AGTPBP1: variants seen among roughly 807,000 people sequenced by gnomAD.
AGTPBP1 encodes ATP/GTP binding carboxypeptidase 1.
Under a neutral mutation model 143.9 loss-of-function variants are expected in AGTPBP1, and 70 were observed. That is an observed-to-expected ratio of 0.49 (90% CI 0.40 to 0.59). The LOEUF (loss-of-function observed/expected upper bound fraction) is 0.59, where lower values mean the gene tolerates loss of function less well. Ranked by LOEUF, AGTPBP1 falls within the 20% of genes least tolerant of loss-of-function variation. The pLI, the probability that AGTPBP1 is intolerant of heterozygous loss-of-function variation, is 0.00. For synonymous variants in AGTPBP1, 463 were observed against 500.2 expected (o/e 0.93, Z 0.99); for missense variants, 1,229 against 1,464.5 (o/e 0.84, Z 2.62).
intron 25 of AGTPBP1, among the ~76,000 whole-genome samples, chr9:85,569,828 A>G (rs1288644032): frequency 6.6e-6 from 1 of 152,254 alleles, no homozygotes; most frequent in African/African-American, 2.4e-5. Context: ...TACATTTTTC[A>G]TATAGGATGG....
In AGTPBP1 at chr9:85,574,645, T is replaced by C. The variant is rs551859022; in HGVS notation, c.3503+670A>G. 3.3e-5 allele frequency among the ~76,000 whole-genome samples: 5 copies of C among 152,216 alleles called. No homozygotes were observed. In the East Asian group the frequency reaches 9.6e-4, roughly 29 times the overall value. On this transcript the variant is annotated intron_variant, in intron 25 of 25. Transcript: ENST00000357081. The stretch of plus-strand genomic sequence containing the variant: ...TTTCTGATATATATAACCAGAAGGA[T>C]ACTGGACAGCCATCTGATGTGTGTA...
the AGTPBP1 span, chr9:85,765,186 G>GT: frequency 3.4e-6 from 1 of 291,936 alleles, no homozygotes; most frequent in African/African-American, 2.2e-5. Context: ...ATTTCCTTGA[G>GT]TATATTTGCC....
chr9:85,573,772 G>C (rs1280050664), intron 25 of AGTPBP1, among the ~76,000 whole-genome samples: 2 of 151,912 alleles, frequency 1.3e-5, no homozygotes, highest in Non-Finnish European at 2.9e-5. Context: ...TCTGGGATGT[G>C]AGGAGCGCCT....
intron 9 of AGTPBP1, among the ~76,000 whole-genome samples, chr9:85,659,811 A>T (rs763230348): frequency 1.2e-4 from 19 of 152,152 alleles, no homozygotes; most frequent in African/African-American, 1.7e-4. Flanking sequence ...ATCTTTATAC[A>T]GTTTGAACCA....
In AGTPBP1 at chr9:85,632,847, C is replaced by T. The variant is rs375779726; in HGVS notation, c.1830G>A (p.Ser610=). Residue 610 remains serine (S), a synonymous_variant, in exon 14 of 26, where the codon TCG becomes TCA. Transcript: ENST00000357081. ...EDDEDTESNS[S]VEQASVEVPD... Reference sequence around the variant, plus strand: ...GTACTTCAACCGATGCTTGTTCTACCGATGAATTTGACTCAGTATCTTCAT... The same window carrying T: ...GTACTTCAACCGATGCTTGTTCTACTGATGAATTTGACTCAGTATCTTCAT... 8.1e-6 allele frequency: 13 copies of T among 1,613,986 alleles called. No homozygotes were observed. Among genetic ancestry groups the T allele is most frequent in the Admixed American group, 3.3e-5 (2 of 59,984 alleles).
At chr9:85,603,163 G>C (rs1047168709) in intron 17 of AGTPBP1, among the ~76,000 whole-genome samples, 1 of 152,198 alleles carries the variant, frequency 6.6e-6, no homozygotes, top group Non-Finnish European at 1.5e-5. Context: ...ATGTGGCCCA[G>C]TGGGACACCA....
At chr9:85,768,250 G>A in the AGTPBP1 span, among the ~76,000 whole-genome samples, 14 of 152,220 alleles carry the variant, frequency 9.2e-5, no homozygotes, top group Admixed American at 7.9e-4. Context: ...GAATTTATAC[G>A]AAATTGTCCT....
chr9:85,667,958 T>C (rs1411858522), intron 8 of AGTPBP1, among the ~76,000 whole-genome samples: 1 of 137,538 alleles, frequency 7.3e-6, no homozygotes, highest in African/African-American at 2.7e-5. Context: ...TATTAAGAAA[T>C]TACCGTTAAT....
chr9:85,617,996 T>A (rs1410052808), intron 17 of AGTPBP1, among the ~76,000 whole-genome samples: 1 of 152,180 alleles, frequency 6.6e-6, no homozygotes, highest in Non-Finnish European at 1.5e-5. Context: ...TCCCAGCACT[T>A]TGGGAAGCCA....
chr9:85,617,372 T>C (rs1300649507), intron 17 of AGTPBP1, among the ~76,000 whole-genome samples: 1 of 152,160 alleles, frequency 6.6e-6, no homozygotes, highest in Non-Finnish European at 1.5e-5. Flanking sequence ...TTTTCTTGTA[T>C]GCCAGAAAAA....
chr9:85,552,580 G>A (rs1032846571), intron 25 of AGTPBP1, among the ~76,000 whole-genome samples: 1 of 152,162 alleles, frequency 6.6e-6, no homozygotes, highest in Non-Finnish European at 1.5e-5. Flanking sequence ...CTCTCTCTGA[G>A]CACAGGTTTC....
intron 1 of AGTPBP1, among the ~76,000 whole-genome samples, chr9:85,735,613 A>G (rs116253929): frequency 0.029 from 4,416 of 152,292 alleles, 206 homozygotes; most frequent in African/African-American, 0.1. Flanking sequence ...TGTGTTAAAA[A>G]TTGGGAAAAA....
At position 85,567,690 on chromosome 9, in the gene AGTPBP1, A is replaced by AT. The variant is rs554859100; in HGVS notation, c.3503+7624dup. ...CATTAAAAGAAAAATCTCCCAGGAG[A>AT]TAAGTTCTGGGAGTAGTTGGTGAAT... On this transcript the variant is annotated intron_variant, in intron 25 of 25. Coordinates refer to ENST00000357081, the MANE Select transcript of AGTPBP1 (RefSeq NM_001330701.2). Among the ~76,000 whole-genome samples, 130 of 152,334 alleles carry AT rather than the reference A, an allele frequency of 8.5e-4. 3 individuals are homozygous for AT. In the South Asian group the frequency reaches 0.027, roughly 31 times the overall value.
intron 11 of AGTPBP1, among the ~76,000 whole-genome samples, chr9:85,654,128 CTT>C (rs373648161): frequency 6.6e-6 from 1 of 152,046 alleles, no homozygotes; most frequent in African/African-American, 2.4e-5. Flanking sequence ...TCTTAAAACA[CTT>C]GTTTCAAATA....
chr9:85,773,560 A>G, the AGTPBP1 span, among the ~76,000 whole-genome samples: 1 of 151,330 alleles, frequency 6.6e-6, no homozygotes, highest in Non-Finnish European at 1.5e-5. Context: ...TTGGTCTCGA[A>G]CTCCTCACCT....
chr9:85,706,602 G>A (rs1022535257), intron 2 of AGTPBP1, among the ~76,000 whole-genome samples: 3 of 152,120 alleles, frequency 2.0e-5, no homozygotes, highest in Non-Finnish European at 4.4e-5. Context: ...CAGGCACAGT[G>A]GCTCACGCCT....
intron 24 of AGTPBP1, among the ~76,000 whole-genome samples, chr9:85,577,208 AG>A (rs1173410040): frequency 6.6e-6 from 1 of 152,214 alleles, no homozygotes; most frequent in East Asian, 1.9e-4. Flanking sequence ...GGGGCATCCA[AG>A]TCAGATGTCC....
the AGTPBP1 span, among the ~76,000 whole-genome samples, chr9:85,799,258 C>G: frequency 2.0e-5 from 3 of 152,124 alleles, no homozygotes; most frequent in African/African-American, 7.2e-5. Flanking sequence ...GGTTCTAAGT[C>G]TTTGCTATTG....
intron 11 of AGTPBP1, among the ~76,000 whole-genome samples, chr9:85,651,669 C>G (rs1211473428): frequency 6.6e-6 from 1 of 152,192 alleles, no homozygotes; most frequent in Non-Finnish European, 1.5e-5. Context: ...TAATATACTT[C>G]TGTACCCAAA....
Sources: gnomAD v4.1 joint callset for allele counts (sites outside exome capture counted in the v4.1 genomes callset) on GRCh38, gnomAD v4.1.1 for gene constraint, MANE v1.5 for transcripts, NCBI Gene and HGNC (gene_info 2026-07-23, HGNC 2026-07-21) for gene names.